The following ARHGEF11 variants were observed in gnomAD, a reference collection of about 807,000 sequenced individuals.
ARHGEF11 encodes the protein Rho guanine exchange factor (GEF) 11.
A neutral mutation model predicts 193.7 loss-of-function variants in ARHGEF11; 55 were observed. The ratio of observed to expected loss-of-function variants is 0.28; its 90% CI spans 0.23 to 0.36. The LOEUF is 0.36. Among genes scored for constraint, ARHGEF11 ranks in the 10% least tolerant of loss-of-function variants. The pLI, the probability that ARHGEF11 is intolerant of heterozygous loss-of-function variation, is 1.00. For missense variants in ARHGEF11, 1,723 were observed against 2,005.6 expected, an observed-to-expected ratio of 0.86 and a Z score of 2.69; for synonymous variants, 693 against 768.0, an observed-to-expected ratio of 0.90 and a Z score of 1.62.
chr1:157,013,019 C>T (rs1010280193), intron 1 of ARHGEF11, among the ~76,000 whole-genome samples: 3 of 151,940 alleles, frequency 2.0e-5, no homozygotes, highest in African/African-American at 4.8e-5. Context: ...TTTTAGGGGG[C>T]GTTGACAGGG....
At chr1:157,008,385 C>T (rs948983996) in intron 1 of ARHGEF11, among the ~76,000 whole-genome samples, 5 of 131,142 alleles carry the variant, frequency 3.8e-5, no homozygotes, top group Admixed American at 1.7e-4. Context: ...TAAGAAGAGA[C>T]ATCAGGAAGC....
chr1:156,956,556 A>G lies in ARHGEF11; in HGVS notation c.1535T>C (p.Met512Thr). The G allele has an allele frequency of 6.2e-7, 1 of 1,614,166 alleles. No individual in the cohort carries two copies. Among genetic ancestry groups the G allele is most frequent in the African/African-American group, 1.3e-5 (1 of 75,036 alleles). ...SKYEEDRSAP[M>T]DFALNTYMSH... ...CATGTAGGTATTGAGGGCGAAGTCC[A>G]TGGGGGCGCTGTAAAAGAGGAACAG... The change falls in exon 19 of 41, where the codon ATG (methionine) becomes ACG (threonine). Residue 512 changes from methionine to threonine, a missense_variant. Transcript: ENST00000368194.
In ARHGEF11 at chr1:156,976,983, C is replaced by T; in HGVS notation, c.582G>A (p.Gln194=). The change falls in exon 7 of 41, where the codon CAG becomes CAA. Residue 194 remains glutamine (Q), a splice_region_variant and synonymous_variant. Transcript: ENST00000368194. The part of the protein sequence containing the change: ...NMLRQEEKEL[Q]RICEVYSRNP... ...AGTCTACCCTTGGCAGTGACCTTAC[C>T]TGTAATTCTTTTTCTTCCTGCCTCA... 1.2e-6 allele frequency: 2 copies of T among 1,613,896 alleles called. No individual in the cohort carries two copies. The highest frequency in any genetic ancestry group is 1.7e-6 in the Non-Finnish European group (2 of 1,179,840).
chr1:156,982,797 A>G (rs1664373368), intron 3 of ARHGEF11, among the ~76,000 whole-genome samples: 1 of 152,230 alleles, frequency 6.6e-6, no homozygotes. Context: ...ACCCTAGTCC[A>G]GGAACCCTGA....
intron 32 of ARHGEF11, among the ~76,000 whole-genome samples, chr1:156,943,064 A>C (rs1360108625): frequency 3.7e-5 from 4 of 107,608 alleles, no homozygotes. Flanking sequence ...GAGTTATAAA[A>C]CTTTTTTTTT....
intron 1 of ARHGEF11, among the ~76,000 whole-genome samples, chr1:156,995,294 A>C (rs757834586): frequency 2.6e-5 from 4 of 152,176 alleles, no homozygotes; most frequent in African/African-American, 4.8e-5. Flanking sequence ...CATGGCTAGC[A>C]GGTCCTTGGG....
chr1:157,035,008 A>G (rs1671733224), intron 1 of ARHGEF11, among the ~76,000 whole-genome samples: 1 of 152,168 alleles, frequency 6.6e-6, no homozygotes, highest in Non-Finnish European at 1.5e-5. Flanking sequence ...TGGGCCCAGG[A>G]ATGAGGCTGG....
chr1:157,041,824 T>C (rs989023042), intron 1 of ARHGEF11, among the ~76,000 whole-genome samples: 1 of 152,196 alleles, frequency 6.6e-6, no homozygotes, highest in Non-Finnish European at 1.5e-5. Context: ...TCAAGAGTCT[T>C]ACGTGTTTCC....
At chr1:157,008,430 ACACG>A (rs1204532711) in intron 1 of ARHGEF11, among the ~76,000 whole-genome samples, 5 of 141,836 alleles carry the variant, frequency 3.5e-5, no homozygotes, top group Admixed American at 7.0e-5. Flanking sequence ...ACACACACAC[ACACG>A]AAAGGCTATG....
chr1:156,956,361 C>T (rs1006079531), intron 19 of ARHGEF11, 59 bp downstream of exon 19: 22 of 1,579,278 alleles, frequency 1.4e-5, no homozygotes, highest in East Asian at 2.3e-5. Context: ...GGCAATCACC[C>T]GCCTTGGCAT....
At chr1:156,954,516 T>C (rs960631859) in intron 21 of ARHGEF11, among the ~76,000 whole-genome samples, 2 of 151,684 alleles carry the variant, frequency 1.3e-5, no homozygotes, top group African/African-American at 4.8e-5. Flanking sequence ...TCCTTGGAGA[T>C]GTGACTGAAT....
chr1:156,949,201 C>A (rs558229580), intron 22 of ARHGEF11: 1 of 753,042 alleles, frequency 1.3e-6, no homozygotes, highest in South Asian at 6.1e-5. Context: ...ATAGGCAGGA[C>A]CCGCTCCTTG....
intron 40 of ARHGEF11, 21 bp downstream of exon 40, chr1:156,936,795 G>A: frequency 4.4e-6 from 7 of 1,606,490 alleles, no homozygotes; most frequent in Non-Finnish European, 5.1e-6. Context: ...TAGGAACCGA[G>A]AGGGACCTGG....
rs1657292767 is a variant in ARHGEF11 at position 156,942,708 on chromosome 1, G to A, written c.3308C>T (p.Thr1103Met). The A allele has an allele frequency of 6.2e-7, 1 of 1,614,092 alleles. No homozygotes were observed. Among genetic ancestry groups the A allele is most frequent in the South Asian group, 1.1e-5 (1 of 91,084 alleles). ...PPQIYELVAL[T>M]SSDKNTWMEL... is the part of the protein sequence containing the mutation. ...TTCTCACGTGTTCTTGTCTGATGACGTCAATGCAACCAGCTCATAGATCTG... is the reference window on the plus strand; with the variant it reads ...TTCTCACGTGTTCTTGTCTGATGACATCAATGCAACCAGCTCATAGATCTG... The change falls in exon 33 of 41, where the codon ACG (threonine) becomes ATG (methionine). Residue 1103 changes from threonine (T) to methionine (M), a missense_variant. Transcript: ENST00000368194.
At chr1:157,007,836 T>G (rs1371322268) in intron 1 of ARHGEF11, among the ~76,000 whole-genome samples, 1 of 151,994 alleles carries the variant, frequency 6.6e-6, no homozygotes, top group African/African-American at 2.4e-5. Context: ...CACAGTAATA[T>G]CTAACAAATA....
chr1:156,968,162 C>T (rs1330076528), intron 10 of ARHGEF11, 38 bp from the exon 11 acceptor site: 1 of 1,582,964 alleles, frequency 6.3e-7, no homozygotes, highest in Admixed American at 1.7e-5. Flanking sequence ...GGAACCTTGT[C>T]CGGAAGACCC....
intron 40 of ARHGEF11, 78 bp downstream of exon 40, chr1:156,936,738 T>C (rs1655444953): frequency 6.8e-7 from 1 of 1,468,434 alleles, no homozygotes. Context: ...CATCTCTCAC[T>C]GCTTAGTGAT....
At chr1:157,029,649 C>G (rs1226293732) in intron 1 of ARHGEF11, among the ~76,000 whole-genome samples, 1 of 152,162 alleles carries the variant, frequency 6.6e-6, no homozygotes, top group Non-Finnish European at 1.5e-5. Context: ...TAGGTATACA[C>G]CCAAGAGAAA....
chr1:157,024,364 G>A (rs1319558208), intron 1 of ARHGEF11, among the ~76,000 whole-genome samples: 1 of 152,114 alleles, frequency 6.6e-6, no homozygotes, highest in Non-Finnish European at 1.5e-5. Flanking sequence ...CAGTGATAAT[G>A]GGTGCACGAC....
Sources: gnomAD v4.1 joint callset for allele counts (sites outside exome capture counted in the v4.1 genomes callset) on GRCh38, gnomAD v4.1.1 for gene constraint, MANE v1.5 for transcripts, NCBI Gene and HGNC (gene_info 2026-07-23, HGNC 2026-07-21) for gene names.